The following CSMD3 variants were observed in gnomAD, a reference collection of about 807,000 sequenced individuals.
CSMD3 encodes CUB and sushi domain-containing protein 3.
Under a neutral mutation model 435.2 loss-of-function variants are expected in CSMD3, and 177 were observed. The ratio of observed to expected loss-of-function variants is 0.41; its 90% CI spans 0.36 to 0.46. The LOEUF is 0.46. Ranked by LOEUF, CSMD3 falls within the 20% of genes least tolerant of loss-of-function variation. CSMD3 has a pLI of 0.34. For missense variants in CSMD3, 4,265 were observed against 4,504.6 expected (o/e 0.95, Z 1.52); for synonymous variants, 1,656 against 1,520.5 (o/e 1.09, Z -2.07).
At chr8:113,085,955 C>T (rs969537493) in intron 5 of CSMD3, among the ~76,000 whole-genome samples, 1 of 151,980 alleles carries the variant, frequency 6.6e-6, no homozygotes, top group Non-Finnish European at 1.5e-5. Context: ...AAGAGCCAAC[C>T]GGCTGGGTGC....
intron 18 of CSMD3, among the ~76,000 whole-genome samples, chr8:112,655,175 AT>A (rs2075226781): frequency 6.6e-6 from 1 of 152,158 alleles, no homozygotes; most frequent in African/African-American, 2.4e-5. Flanking sequence ...GACTATATCT[AT>A]TGAAGATAGA....
At chr8:113,295,411 A>G (rs759514956) in intron 2 of CSMD3, among the ~76,000 whole-genome samples, 9 of 152,212 alleles carry the variant, frequency 5.9e-5, no homozygotes, top group Non-Finnish European at 1.3e-4. Flanking sequence ...GAAAAGACAG[A>G]CATTTAGAAT....
chr8:112,959,471 T>G (rs992211569), intron 7 of CSMD3, among the ~76,000 whole-genome samples: 1 of 151,928 alleles, frequency 6.6e-6, no homozygotes, highest in Non-Finnish European at 1.5e-5. Flanking sequence ...ATAATTCTTT[T>G]AAAAAGGAAA....
At chr8:112,342,280 T>C (rs1825197922) in intron 41 of CSMD3, among the ~76,000 whole-genome samples, 2 of 152,132 alleles carry the variant, frequency 1.3e-5, no homozygotes, top group Non-Finnish European at 2.9e-5. Context: ...TTATATGTGG[T>C]CATATTGCAA....
At chr8:112,797,481 T>A (rs1202979805) in intron 13 of CSMD3, among the ~76,000 whole-genome samples, 1 of 151,936 alleles carries the variant, frequency 6.6e-6, no homozygotes, top group Non-Finnish European at 1.5e-5. Flanking sequence ...AAGGACTAAA[T>A]TACACATTTT....
chr8:113,214,470 GA>G (rs1441431372), intron 3 of CSMD3, among the ~76,000 whole-genome samples: 1 of 151,740 alleles, frequency 6.6e-6, no homozygotes, highest in Non-Finnish European at 1.5e-5. Flanking sequence ...AATCTATAAG[GA>G]TCACAATTTC....
In CSMD3 at chr8:113,031,736, T is replaced by C. The variant is rs553362022; in HGVS notation, c.918-12557A>G. On this transcript the variant is annotated intron_variant, in intron 5 of 70. Coordinates refer to ENST00000297405, the MANE Select transcript of CSMD3 (RefSeq NM_198123.2). The stretch of plus-strand genomic sequence containing the variant: ...TTGTTGTAATATTGTGCCATAGTTA[T>C]GAAAAATGCTTCTCTTGGGGGATAG... 2.3e-3 allele frequency among the ~76,000 whole-genome samples: 352 copies of C among 151,830 alleles called. 3 individuals are homozygous for C. Among genetic ancestry groups the C allele is most frequent in the African/African-American group, 8.1e-3 (336 of 41,542 alleles).
At chr8:112,310,315 G>A (rs1176447294) in intron 50 of CSMD3, 1 of 152,784 alleles carries the variant, frequency 6.5e-6, no homozygotes, top group Non-Finnish European at 1.5e-5. Flanking sequence ...CGCCTCCCGG[G>A]TTCAAGTCAT....
chr8:113,237,686 T>C (rs924712285), intron 3 of CSMD3, among the ~76,000 whole-genome samples: 1 of 152,218 alleles, frequency 6.6e-6, no homozygotes, highest in African/African-American at 2.4e-5. Context: ...AGCTTCAGTC[T>C]TTAATCTGCT....
chr8:113,170,658 T>C (rs1388719045), intron 4 of CSMD3, among the ~76,000 whole-genome samples: 1 of 152,192 alleles, frequency 6.6e-6, no homozygotes, highest in Admixed American at 6.6e-5. Context: ...ACTTGATTAC[T>C]GTCTGCCCCA....
In CSMD3 at chr8:113,377,237, T is replaced by C. The variant is rs907801028; in HGVS notation, c.178+59440A>G. The C allele has an allele frequency of 1.1e-5, 8 of 747,136 alleles. No homozygotes were observed. In the African/African-American group the frequency reaches 1.3e-4, roughly 12 times the overall value. The allele number at this position is 747,136 out of a possible 1,614,324, so 46.3% of individuals were successfully genotyped here. A position where few individuals can be genotyped will look rare whatever the true frequency, so the allele number is the denominator to read the frequency against. ...GAGAGACCGAAGGGCCAGCCGAGGA[T>C]ACAAAAACAAACCGTGGAGCCTACC... On this transcript the variant is annotated intron_variant, in intron 1 of 70. Coordinates refer to ENST00000297405, the MANE Select transcript of CSMD3 (RefSeq NM_198123.2).
At chr8:112,882,172 C>G (rs765058322) in intron 10 of CSMD3, among the ~76,000 whole-genome samples, 5 of 151,866 alleles carry the variant, frequency 3.3e-5, no homozygotes, top group Non-Finnish European at 7.4e-5. Flanking sequence ...ACCCCAGAGT[C>G]TTTATGTCAA....
At chr8:113,057,452 T>C (rs906696050) in intron 5 of CSMD3, among the ~76,000 whole-genome samples, 6 of 152,152 alleles carry the variant, frequency 3.9e-5, no homozygotes, top group Non-Finnish European at 8.8e-5. Context: ...AGAATGTATC[T>C]CTATCAGGGG....
intron 38 of CSMD3, among the ~76,000 whole-genome samples, chr8:112,353,143 C>A (rs1290698516): frequency 1.3e-5 from 2 of 152,104 alleles, no homozygotes; most frequent in African/African-American, 2.4e-5. Context: ...GTAATCCCAG[C>A]ACTTTGGGGG....
chr8:112,490,604 A>C (rs1820593706), intron 31 of CSMD3, among the ~76,000 whole-genome samples: 1 of 152,082 alleles, frequency 6.6e-6, no homozygotes. Flanking sequence ...ATCTATCTTA[A>C]TAATCTATAG....
intron 38 of CSMD3, among the ~76,000 whole-genome samples, chr8:112,357,949 G>C (rs1176753203): frequency 6.6e-6 from 1 of 152,134 alleles, no homozygotes; most frequent in African/African-American, 2.4e-5. Context: ...CCAGACCCCA[G>C]AATGGTTGAT....
intron 32 of CSMD3, among the ~76,000 whole-genome samples, chr8:112,459,101 A>C (rs1160452421): frequency 6.6e-6 from 1 of 151,656 alleles, no homozygotes; most frequent in East Asian, 1.9e-4. Flanking sequence ...TGCCACAAAT[A>C]ATATTAACTA....
chr8:113,405,505 T>A (rs573085293), intron 1 of CSMD3, among the ~76,000 whole-genome samples: 6 of 151,850 alleles, frequency 4.0e-5, no homozygotes, highest in African/African-American at 1.2e-4. Flanking sequence ...TCTATAGAAG[T>A]GTTTTAAAAA....
At chr8:112,652,481 T>C (rs1371138431) in intron 18 of CSMD3, among the ~76,000 whole-genome samples, 2 of 152,168 alleles carry the variant, frequency 1.3e-5, no homozygotes, top group African/African-American at 2.4e-5. Context: ...TCAAAAGTGA[T>C]TGTAATGCTT....
Sources: gnomAD v4.1 joint callset for allele counts (sites outside exome capture counted in the v4.1 genomes callset) on GRCh38, gnomAD v4.1.1 for gene constraint, MANE v1.5 for transcripts, NCBI Gene and HGNC (gene_info 2026-07-23, HGNC 2026-07-21) for gene names.